The following SLC7A14 variants were observed in gnomAD, a reference collection of about 807,000 sequenced individuals.
SLC7A14 encodes the protein solute carrier family 7 member 14.
Under a neutral mutation model 60.2 loss-of-function variants are expected in SLC7A14, and 37 were observed. The ratio of observed to expected loss-of-function variants is 0.61; its 90% CI spans 0.47 to 0.81. SLC7A14 has a LOEUF of 0.81. Among genes scored for constraint, SLC7A14 ranks in the 30% least tolerant of loss-of-function variants. The probability of loss-of-function intolerance (pLI) is 0.00; values close to 1 mark genes in which losing one functional copy is unlikely to be tolerated. For synonymous variants in SLC7A14, 399 were observed against 395.8 expected (o/e 1.01, Z -0.10); for missense variants, 886 against 982.7 (o/e 0.90, Z 1.32).
At chr3:170,564,066 AC>A (rs1714731492) in intron 1 of SLC7A14, among the ~76,000 whole-genome samples, 1 of 152,196 alleles carries the variant, frequency 6.6e-6, no homozygotes, top group Admixed American at 6.5e-5. Context: ...CTTTTGAGTC[AC>A]TACCCCTTTA....
chr3:170,563,292 C>T (rs1392220255), intron 1 of SLC7A14, among the ~76,000 whole-genome samples: 1 of 152,022 alleles, frequency 6.6e-6, no homozygotes, highest in Non-Finnish European at 1.5e-5. Context: ...CATATCTCAC[C>T]TTCACCTCCC....
chr3:170,498,540 G>A, intron 4 of SLC7A14, 127 bp downstream of exon 4: 2 of 768,476 alleles, frequency 2.6e-6, no homozygotes, highest in Non-Finnish European at 4.1e-6. Context: ...AGATCAAAAG[G>A]TGATAAAGAG....
chr3:170,576,250 G>A (rs1715087120), intron 1 of SLC7A14, among the ~76,000 whole-genome samples: 1 of 152,204 alleles, frequency 6.6e-6, no homozygotes, highest in African/African-American at 2.4e-5. Context: ...GGTGACTTGA[G>A]GCAGGGATTA....
At chr3:170,584,688 A>C (rs890661162) in intron 1 of SLC7A14, among the ~76,000 whole-genome samples, 1 of 152,102 alleles carries the variant, frequency 6.6e-6, no homozygotes, top group Non-Finnish European at 1.5e-5. Context: ...CGGTATTAGC[A>C]CCCAGCCTCT....
chr3:170,477,792 T>C lies in SLC7A14; in HGVS notation c.1993+2497A>G, dbSNP rs1711673738. Among the ~76,000 whole-genome samples the C allele has an allele frequency of 2.0e-5, 3 of 152,258 alleles. No individual in the cohort carries two copies. In the South Asian group the frequency reaches 6.2e-4, roughly 31 times the overall value. On this transcript the variant is annotated intron_variant, in intron 7 of 7. Transcript: ENST00000231706. ...TTTAAAAGTTCATTCATATGCTTTC[T>C]AATACCAGTTGAAAATATTACCAAT...
At position 170,553,525 on chromosome 3, in the gene SLC7A14, G is replaced by A. The variant is rs545805480; in HGVS notation, c.-152-26437C>T. Reference sequence around the variant, plus strand: ...GCAACAATAGAAAGCCTGCCAAATAGCAAGAATTCTTTAATGGGGCAAAGC... The same window carrying A: ...GCAACAATAGAAAGCCTGCCAAATAACAAGAATTCTTTAATGGGGCAAAGC... On this transcript the variant is annotated intron_variant, in intron 1 of 7. Transcript: ENST00000231706. Among the ~76,000 whole-genome samples, 63 of 152,298 alleles carry A rather than the reference G, an allele frequency of 4.1e-4. 1 individual carries two copies. The highest frequency in any genetic ancestry group is 6.9e-4 in the Non-Finnish European group (47 of 68,028).
chr3:170,536,167 T>C (rs892472393), intron 1 of SLC7A14, among the ~76,000 whole-genome samples: 1 of 152,194 alleles, frequency 6.6e-6, no homozygotes, highest in Non-Finnish European at 1.5e-5. Context: ...TGTAAACCTG[T>C]CATGAGGATT....
chr3:170,575,855 A>G (rs1467346809), intron 1 of SLC7A14, among the ~76,000 whole-genome samples: 1 of 152,188 alleles, frequency 6.6e-6, no homozygotes. Flanking sequence ...TTCAAATGAT[A>G]TTCCTAAGAT....
chr3:170,501,668 C>T (rs1005334029), intron 2 of SLC7A14, among the ~76,000 whole-genome samples: 1 of 152,130 alleles, frequency 6.6e-6, no homozygotes, highest in Non-Finnish European at 1.5e-5. Context: ...AACATGGGCC[C>T]AATTCATCAC....
intron 7 of SLC7A14, among the ~76,000 whole-genome samples, chr3:170,477,544 T>C (rs1248537986): frequency 6.6e-6 from 1 of 152,220 alleles, no homozygotes; most frequent in Non-Finnish European, 1.5e-5. Flanking sequence ...ATGGCTGATA[T>C]GTGATAAGCA....
chr3:170,541,738 G>A lies in SLC7A14; in HGVS notation c.-152-14650C>T, dbSNP rs563683089. 1.4e-3 allele frequency among the ~76,000 whole-genome samples: 210 copies of A among 152,226 alleles called. 1 individual carries two copies. Among genetic ancestry groups the A allele is most frequent in the African/African-American group, 4.7e-3 (195 of 41,512 alleles). On this transcript the variant is annotated intron_variant, in intron 1 of 7. Transcript: ENST00000231706. ...AAAAATGGGGAATCTATGAGTGGTG[G>A]GATTAGGAATGATATCTATTAGATT...
At chr3:170,568,808 G>A (rs370741325) in intron 1 of SLC7A14, among the ~76,000 whole-genome samples, 1 of 152,106 alleles carries the variant, frequency 6.6e-6, no homozygotes, top group Admixed American at 6.5e-5. Flanking sequence ...TTGGCTCTCT[G>A]TTTGTCTGTT....
At chr3:170,520,218 C>G (rs1485400160) in intron 2 of SLC7A14, among the ~76,000 whole-genome samples, 1 of 152,208 alleles carries the variant, frequency 6.6e-6, no homozygotes, top group Non-Finnish European at 1.5e-5. Flanking sequence ...CTTTCAGAAT[C>G]CTCTGTTTTC....
intron 2 of SLC7A14, among the ~76,000 whole-genome samples, chr3:170,508,892 A>T (rs1267093968): frequency 6.6e-6 from 1 of 152,180 alleles, no homozygotes; most frequent in Admixed American, 6.5e-5. Flanking sequence ...TGTGACACTG[A>T]GCTCCATATG....
chr3:170,471,536 C>G (rs983066839), intron 7 of SLC7A14, among the ~76,000 whole-genome samples: 1 of 152,114 alleles, frequency 6.6e-6, no homozygotes, highest in East Asian at 1.9e-4. Flanking sequence ...TATCTGATAT[C>G]CAGCAGTATT....
chr3:170,470,310 G>A (rs573002344), intron 7 of SLC7A14, among the ~76,000 whole-genome samples: 20 of 133,306 alleles, frequency 1.5e-4, no homozygotes, highest in African/African-American at 6.4e-4. Context: ...GAAGGAACAT[G>A]TGTGTGTGTG....
In SLC7A14 at chr3:170,527,047, GC is replaced by G; in HGVS notation, c.-112del. 8.3e-7 allele frequency: 1 copy of G among 1,205,400 alleles called. No homozygotes were observed. The highest frequency in any genetic ancestry group is 1.1e-6 in the Non-Finnish European group (1 of 882,260). 74.7% of individuals were successfully genotyped at this position (1,205,400 alleles called of 1,614,324 possible). A position where few individuals can be genotyped will look rare whatever the true frequency, so the allele number is the denominator to read the frequency against. On this transcript the variant is annotated 5_prime_UTR_variant, in exon 2 of 8. The change abolishes the stop of an existing upstream ORF in the 5' untranslated region. Coordinates refer to ENST00000231706, the MANE Select transcript of SLC7A14 (RefSeq NM_020949.3). ...AACAGGGATCTCCCTTTTAGGAAAG[GC>G]CCAGAGGGACCCAGTGCAGCCTTCT...
chr3:170,544,297 G>T (rs962414679), intron 1 of SLC7A14, among the ~76,000 whole-genome samples: 140 of 151,898 alleles, frequency 9.2e-4, no homozygotes, highest in African/African-American at 3.3e-3. Flanking sequence ...TCTGAACTCT[G>T]GGTGTCACTC....
Position 170,480,793 on chromosome 3 carries a change from C to T in SLC7A14, c.1489G>A (p.Gly497Arg). 2 of 1,614,212 alleles carry T rather than the reference C, an allele frequency of 1.2e-6. No homozygotes were observed. Among genetic ancestry groups the T allele is most frequent in the Middle Eastern group, 1.6e-4 (1 of 6,062 alleles). The change falls in exon 7 of 8, where the codon GGG becomes AGG. Residue 497 changes from glycine (G) to arginine (R), a missense_variant. Gly to Arg is a moderately radical substitution (Grantham distance 125). Coordinates refer to ENST00000231706, the MANE Select transcript of SLC7A14 (RefSeq NM_020949.3). ...PSLGDNEMLI[G>R]KSDKSTYNVN... ...TTGTAGGTTGACTTGTCTGATTTCC[C>T]TATGAGCATCTCATTGTCTCCCAAG...
Sources: gnomAD v4.1 joint callset for allele counts (sites outside exome capture counted in the v4.1 genomes callset) on GRCh38, gnomAD v4.1.1 for gene constraint, MANE v1.5 for transcripts, NCBI Gene and HGNC (gene_info 2026-07-23, HGNC 2026-07-21) for gene names.